The following RASGRP1 variants were observed in gnomAD, a reference collection of about 807,000 sequenced individuals.
RASGRP1 encodes RAS guanyl releasing protein 1.
RASGRP1 carries 37 observed loss-of-function variants against 95.1 expected under a neutral mutation model. The ratio of observed to expected loss-of-function variants is 0.39; its 90% CI spans 0.30 to 0.51. RASGRP1 has a LOEUF of 0.51. Ranked by LOEUF, RASGRP1 falls within the 20% of genes least tolerant of loss-of-function variation. The probability of loss-of-function intolerance (pLI) is 0.80; values close to 1 mark genes in which losing one functional copy is unlikely to be tolerated. For synonymous variants in RASGRP1, 325 were observed against 353.4 expected (o/e 0.92, Z 0.90); for missense variants, 711 against 965.4 (o/e 0.74, Z 3.49).
chr15:38,552,871 C>G (rs913767980), intron 2 of RASGRP1, among the ~76,000 whole-genome samples: 2 of 152,162 alleles, frequency 1.3e-5, no homozygotes, highest in African/African-American at 4.8e-5. Flanking sequence ...ACAGTTGCAT[C>G]TATGAAGAAA....
Position 38,541,667 on chromosome 15 carries a change from G to A in RASGRP1, c.221-15263C>T, listed in dbSNP as rs560493235. Among the ~76,000 whole-genome samples the A allele has an allele frequency of 7.2e-5, 11 of 152,130 alleles. No individual in the cohort carries two copies. The East Asian group carries it at 1.2e-3, about 16-fold the overall frequency. The stretch of plus-strand genomic sequence containing the variant: ...ACCCCTGGATAAATCACTAACCCAC[G>A]GATAATACCATCAAGTGGCAGAGCT... On this transcript the variant is annotated intron_variant, in intron 2 of 16. Coordinates refer to ENST00000310803, the MANE Select transcript of RASGRP1 (RefSeq NM_005739.4).
intron 1 of RASGRP1, among the ~76,000 whole-genome samples, chr15:38,563,643 A>G (rs1377619419): frequency 6.6e-6 from 1 of 152,188 alleles, no homozygotes; most frequent in Non-Finnish European, 1.5e-5. Context: ...ACAATACTCA[A>G]TTTAATGTAC....
intron 1 of RASGRP1, among the ~76,000 whole-genome samples, chr15:38,560,699 TTGA>T (rs1253441528): frequency 1.3e-5 from 2 of 152,214 alleles, no homozygotes; most frequent in Non-Finnish European, 2.9e-5. Flanking sequence ...TTTTTCATGG[TTGA>T]TAATACAGGT....
chr15:38,514,625 CCT>C (rs1442727682), intron 6 of RASGRP1, among the ~76,000 whole-genome samples: 1 of 152,010 alleles, frequency 6.6e-6, no homozygotes, highest in Non-Finnish European at 1.5e-5. Context: ...ACAAAAAAAC[CCT>C]GAGATAGTCT....
rs113182587 is a variant in RASGRP1 at position 38,498,414 on chromosome 15, T to C, written c.1873+380A>G. Among the ~76,000 whole-genome samples the C allele has an allele frequency of 1.9e-3, 284 of 152,346 alleles. 1 individual carries two copies. The highest frequency in any genetic ancestry group is 3.2e-3 in the Non-Finnish European group (216 of 68,038). On this transcript the variant is annotated intron_variant, in intron 15 of 16. Transcript: ENST00000310803. ...TATATATGTTAATTTACATTATATA[T>C]ACACACACATATACATATGCATGTA...
At chr15:38,497,386 A>T (rs1411292798) in intron 15 of RASGRP1, among the ~76,000 whole-genome samples, 9 of 145,466 alleles carry the variant, frequency 6.2e-5, no homozygotes, top group Non-Finnish European at 1.4e-4. Context: ...AAATCGCCTT[A>T]ACACCTTTTT....
chr15:38,543,187 T>TA (rs1892972066), intron 2 of RASGRP1, among the ~76,000 whole-genome samples: 1 of 152,122 alleles, frequency 6.6e-6, no homozygotes, highest in South Asian at 2.1e-4. Flanking sequence ...TATTTACAGT[T>TA]ACATCATTTG....
intron 1 of RASGRP1, 137 bp from the exon 2 acceptor site, chr15:38,560,142 GC>G: frequency 1.3e-6 from 1 of 772,594 alleles, no homozygotes; most frequent in South Asian, 1.6e-5. Flanking sequence ...CTCCCACTTG[GC>G]AAATGCACCA....
intron 2 of RASGRP1, among the ~76,000 whole-genome samples, chr15:38,539,271 A>G (rs1318101405): frequency 2.6e-5 from 4 of 152,344 alleles, no homozygotes; most frequent in East Asian, 1.9e-4. Context: ...TGCATGCTAA[A>G]TGAGAATATA....
intron 1 of RASGRP1, among the ~76,000 whole-genome samples, chr15:38,561,673 C>T (rs1436780939): frequency 6.6e-6 from 1 of 152,222 alleles, no homozygotes. Flanking sequence ...TTCAAACTAG[C>T]TCCAGGGCGC....
At chr15:38,549,537 A>T (rs948526580) in intron 2 of RASGRP1, among the ~76,000 whole-genome samples, 10 of 152,160 alleles carry the variant, frequency 6.6e-5, no homozygotes, top group African/African-American at 2.4e-4. Context: ...TCCAACTAGA[A>T]ATCCTCACTT....
intron 14 of RASGRP1, among the ~76,000 whole-genome samples, chr15:38,499,716 CTG>C (rs1479275956): frequency 6.6e-6 from 1 of 152,132 alleles, no homozygotes; most frequent in African/African-American, 2.4e-5. Flanking sequence ...TGGTTTAGCT[CTG>C]TGTCCCCATC....
intron 2 of RASGRP1, among the ~76,000 whole-genome samples, chr15:38,556,413 TA>T (rs1893554087): frequency 1.3e-5 from 2 of 152,216 alleles, no homozygotes; most frequent in Admixed American, 1.3e-4. Context: ...GTGTGGGTGG[TA>T]ATTAATGGTT....
chr15:38,548,397 T>C (rs921880471), intron 2 of RASGRP1, among the ~76,000 whole-genome samples: 5 of 152,000 alleles, frequency 3.3e-5, no homozygotes, highest in Admixed American at 6.6e-5. Flanking sequence ...ACCCTGTCTC[T>C]ACAAAAAAAT....
intron 14 of RASGRP1, chr15:38,499,245 T>C (rs1197087804): frequency 1.4e-5 from 7 of 495,298 alleles, no homozygotes; most frequent in Non-Finnish European, 2.6e-5. Context: ...AGGGAGACCC[T>C]CCGGAAACAC....
chr15:38,544,833 G>A (rs1418044419), intron 2 of RASGRP1, among the ~76,000 whole-genome samples: 5 of 152,346 alleles, frequency 3.3e-5, no homozygotes, highest in Admixed American at 6.5e-5. Context: ...GAGGAGTTTT[G>A]AGTTAACCTC....
rs1021843287 is a variant in RASGRP1, at chr15:38,488,152, C to T, written c.*2402G>A. ...TCATATAAATATTACACAAAGAAAA[C>T]TTACATTAGGTATCAAAAAACTTTA... is the stretch of plus-strand genomic sequence containing the variant. On this transcript the variant is annotated 3_prime_UTR_variant, in exon 17 of 17. Transcript: ENST00000310803. 1.3e-5 allele frequency: 2 copies of T among 151,998 alleles called. No homozygotes were observed. Among genetic ancestry groups the T allele is most frequent in the African/African-American group, 4.8e-5 (2 of 41,432 alleles). 9.4% of individuals were successfully genotyped at this position (151,998 alleles called of 1,614,324 possible). A position where few individuals can be genotyped will look rare whatever the true frequency, so the allele number is the denominator to read the frequency against.
chr15:38,514,325 T>C lies in RASGRP1; in HGVS notation c.676-1369A>G, dbSNP rs144248109. 2.7e-3 allele frequency among the ~76,000 whole-genome samples: 418 copies of C among 152,242 alleles called. 3 individuals are homozygous for C. Among genetic ancestry groups the C allele is most frequent in the African/African-American group, 9.6e-3 (397 of 41,520 alleles). The stretch of plus-strand genomic sequence containing the variant: ...ATATATAAAGCAAACATCTTACTGG[T>C]TCTAAAAGAAAGTAGCCACAACTCA... On this transcript the variant is annotated intron_variant, in intron 6 of 16. Transcript: ENST00000310803.
chr15:38,503,534 C>G, intron 10 of RASGRP1, 158 bp from the exon 11 acceptor site: 1 of 661,036 alleles, frequency 1.5e-6, no homozygotes, highest in East Asian at 2.7e-5. Context: ...GAAATCTCTA[C>G]TAATAATTTT....
Sources: gnomAD v4.1 joint callset for allele counts (sites outside exome capture counted in the v4.1 genomes callset) on GRCh38, gnomAD v4.1.1 for gene constraint, MANE v1.5 for transcripts, NCBI Gene and HGNC (gene_info 2026-07-23, HGNC 2026-07-21) for gene names.